Variants in ANKS1B observed in about 807,000 individuals in gnomAD.
ANKS1B encodes ankyrin repeat and sterile alpha motif domain-containing protein 1B.
ANKS1B carries 36 observed loss-of-function variants against 148.3 expected under a neutral mutation model. That is an observed-to-expected ratio of 0.24 (90% CI 0.19 to 0.32). The LOEUF (loss-of-function observed/expected upper bound fraction) is 0.32, where lower values mean the gene tolerates loss of function less well. Ranked by LOEUF, ANKS1B falls within the 10% of genes least tolerant of loss-of-function variation. ANKS1B has a pLI of 1.00. For missense variants in ANKS1B, 1,157 were observed against 1,542.6 expected (o/e 0.75, Z 4.19); for synonymous variants, 542 against 560.8 (o/e 0.97, Z 0.47).
At chr12:99,090,872 G>T (rs188968286) in intron 15 of ANKS1B, among the ~76,000 whole-genome samples, 121 of 152,158 alleles carry the variant, frequency 8.0e-4, no homozygotes, top group African/African-American at 2.8e-3. Flanking sequence ...AGAAACACGG[G>T]TGACTATAAC....
At chr12:99,450,170 G>GA (rs1178635860) in intron 10 of ANKS1B, among the ~76,000 whole-genome samples, 1 of 152,056 alleles carries the variant, frequency 6.6e-6, no homozygotes, top group Non-Finnish European at 1.5e-5. Flanking sequence ...TGGAGGCCTG[G>GA]AAAAAAACAG....
intron 9 of ANKS1B, among the ~76,000 whole-genome samples, chr12:99,581,910 AAAAAAG>A (rs1260680000): frequency 1.3e-5 from 2 of 151,034 alleles, no homozygotes; most frequent in South Asian, 2.1e-4. Flanking sequence ...AAAAAAAAAA[AAAAAAG>A]AAAAAAGAAA....
chr12:99,182,528 G>T (rs1443361286), intron 14 of ANKS1B, among the ~76,000 whole-genome samples: 1 of 152,106 alleles, frequency 6.6e-6, no homozygotes, highest in Non-Finnish European at 1.5e-5. Flanking sequence ...GTACTCCATT[G>T]TGTATATGTA....
intron 14 of ANKS1B, among the ~76,000 whole-genome samples, chr12:99,171,603 C>A (rs1205521898): frequency 2.0e-5 from 3 of 152,090 alleles, no homozygotes; most frequent in Admixed American, 2.0e-4. Context: ...TAAGAAATAC[C>A]AGCCTTTACA....
intron 1 of ANKS1B, among the ~76,000 whole-genome samples, chr12:99,856,570 G>A (rs1459614696): frequency 2.0e-5 from 3 of 151,814 alleles, no homozygotes; most frequent in Non-Finnish European, 4.4e-5. Flanking sequence ...ACCAGAAAAG[G>A]AAGTAACAAA....
chr12:99,735,808 A>G (rs74725780), intron 8 of ANKS1B, among the ~76,000 whole-genome samples: 8 of 50,900 alleles, frequency 1.6e-4, no homozygotes, highest in Non-Finnish European at 2.6e-4. Context: ...GACATATACC[A>G]AAAAAAAAAA....
intron 8 of ANKS1B, among the ~76,000 whole-genome samples, chr12:99,737,913 C>T (rs1003767761): frequency 7.2e-5 from 11 of 152,124 alleles, no homozygotes; most frequent in African/African-American, 2.2e-4. Context: ...TTTTAATCTA[C>T]AGCCTCCAAC....
At chr12:99,879,358 G>A (rs1483334873) in intron 1 of ANKS1B, among the ~76,000 whole-genome samples, 10 of 152,266 alleles carry the variant, frequency 6.6e-5, no homozygotes, top group African/African-American at 2.4e-4. Context: ...TCCCTACTTT[G>A]CAGTCTCTCA....
chr12:99,675,606 T>C (rs908469908), intron 8 of ANKS1B, among the ~76,000 whole-genome samples: 4 of 151,936 alleles, frequency 2.6e-5, no homozygotes, highest in Non-Finnish European at 5.9e-5. Flanking sequence ...CAGAATGCTT[T>C]TATAATCAAA....
chr12:99,855,800 C>T (rs1414816617), intron 1 of ANKS1B, among the ~76,000 whole-genome samples: 1 of 152,076 alleles, frequency 6.6e-6, no homozygotes, highest in Non-Finnish European at 1.5e-5. Context: ...AAATAACCTG[C>T]TCCTGAATGA....
intron 17 of ANKS1B, among the ~76,000 whole-genome samples, chr12:98,921,295 C>T (rs147862116): frequency 3.9e-5 from 6 of 152,230 alleles, no homozygotes; most frequent in African/African-American, 1.4e-4. Context: ...AGCAGCAGTT[C>T]CTGCCCTCAG....
intron 8 of ANKS1B, among the ~76,000 whole-genome samples, chr12:99,742,531 A>G (rs1198361406): frequency 6.6e-6 from 1 of 152,156 alleles, no homozygotes; most frequent in African/African-American, 2.4e-5. Context: ...TGAAATATAC[A>G]TTAAAATGCA....
chr12:99,443,108 G>A (rs1241688702), intron 11 of ANKS1B, among the ~76,000 whole-genome samples: 1 of 151,906 alleles, frequency 6.6e-6, no homozygotes, highest in Non-Finnish European at 1.5e-5. Context: ...AGAAAAGAGA[G>A]AAATCCATAG....
At chr12:99,642,088 A>T (rs2098313767) in intron 9 of ANKS1B, among the ~76,000 whole-genome samples, 4 of 152,212 alleles carry the variant, frequency 2.6e-5, no homozygotes, top group Admixed American at 2.6e-4. Context: ...CACTATTAAC[A>T]TCATCATCAT....
intron 10 of ANKS1B, among the ~76,000 whole-genome samples, chr12:99,466,123 G>A (rs1240555715): frequency 1.3e-5 from 2 of 152,112 alleles, no homozygotes; most frequent in African/African-American, 4.8e-5. Flanking sequence ...TAGAACTCAG[G>A]ATTAAGAAAC....
At chr12:99,001,736 A>G (rs1261008072) in intron 17 of ANKS1B, among the ~76,000 whole-genome samples, 1 of 152,204 alleles carries the variant, frequency 6.6e-6, no homozygotes, top group East Asian at 1.9e-4. Context: ...ATCATGCTGT[A>G]CTAATATTGG....
At chr12:99,803,969 T>C (rs2067281943) in intron 4 of ANKS1B, among the ~76,000 whole-genome samples, 1 of 152,202 alleles carries the variant, frequency 6.6e-6, no homozygotes, top group Non-Finnish European at 1.5e-5. Context: ...GCAGAGATAG[T>C]TTTGGTTTTT....
At chr12:99,665,307 G>C (rs1221954019) in intron 8 of ANKS1B, among the ~76,000 whole-genome samples, 1 of 152,146 alleles carries the variant, frequency 6.6e-6, no homozygotes, top group Admixed American at 6.5e-5. Context: ...TATGCATGTA[G>C]AGTTATCGCA....
chr12:99,387,602 A>AG (rs2093918770), intron 12 of ANKS1B, among the ~76,000 whole-genome samples: 1 of 150,804 alleles, frequency 6.6e-6, no homozygotes, highest in African/African-American at 2.5e-5. Context: ...TCTCAAAAAA[A>AG]AAAGAAGAAG....
Sources: allele counts gnomAD v4.1 joint callset (sites outside exome capture counted in the v4.1 genomes callset), GRCh38; gene constraint gnomAD v4.1.1; transcripts MANE v1.5; gene names NCBI Gene and HGNC (gene_info 2026-07-23, HGNC 2026-07-21).